CCDC40: variants seen among roughly 807,000 people sequenced by gnomAD.
CCDC40 encodes coiled-coil domain 40 molecular ruler complex subunit, also known as coiled-coil domain-containing protein 40.
A neutral mutation model predicts 124.5 loss-of-function variants in CCDC40; 104 were observed. The observed-to-expected ratio is 0.84, with a 90% CI of 0.71 to 0.98. The LOEUF is 0.98. CCDC40 is among the 50% of genes least tolerant of loss of function. The probability of loss-of-function intolerance (pLI) is 0.00; values close to 1 mark genes in which losing one functional copy is unlikely to be tolerated. For missense variants in CCDC40, 1,463 were observed against 1,503.9 expected, an observed-to-expected ratio of 0.97 and a Z score of 0.45; for synonymous variants, 580 against 602.9, an observed-to-expected ratio of 0.96 and a Z score of 0.56.
chr17:80,088,329 G>A, intron 16 of CCDC40: 1 of 567,592 alleles, frequency 1.8e-6, no homozygotes, highest in Non-Finnish European at 3.2e-6. Flanking sequence ...TCAGCTCACT[G>A]CAACCTCTGC....
chr17:80,067,850 C>A, intron 10 of CCDC40: 1 of 1,402,028 alleles, frequency 7.1e-7, no homozygotes, highest in Non-Finnish European at 9.2e-7. Flanking sequence ...CTGTGCCAAT[C>A]CGATTGATGA....
chr17:80,087,895 G>C lies in CCDC40; in HGVS notation c.2620-116G>C, dbSNP rs1045430562. The C allele has an allele frequency of 2.0e-5, 26 of 1,285,980 alleles. No individual in the cohort carries two copies. Among genetic ancestry groups the C allele is most frequent in the Non-Finnish European group, 2.8e-5 (25 of 882,892 alleles). The allele number at this position is 1,285,980 out of a possible 1,614,324, so 79.7% of individuals were successfully genotyped here. The stretch of plus-strand genomic sequence containing the variant: ...CACACCCGTTCAAGATGCTTGTAGG[G>C]GTATTAGAAATCCAGCCTGCAGCCC... On this transcript the variant is annotated intron_variant, in intron 15 of 19. Transcript: ENST00000397545. The surrounding 1 kb of genome is among the most constrained non-coding windows in gnomAD (Gnocchi z 4.5).
intron 12 of CCDC40, among the ~76,000 whole-genome samples, chr17:80,082,787 CCT>C (rs1416087156): frequency 3.3e-5 from 5 of 152,220 alleles, no homozygotes; most frequent in South Asian, 2.1e-4. Flanking sequence ...CCGCCGAGCC[CCT>C]GTCTGGGCAG....
Position 80,066,351 on chromosome 17 carries a change from C to A in CCDC40, c.1562+745C>A. The A allele has an allele frequency of 1.0e-5, 6 of 574,920 alleles. No homozygotes were observed. The highest frequency in any genetic ancestry group is 4.4e-5 in the South Asian group (2 of 45,828). The allele number at this position is 574,920 out of a possible 1,614,324, so 35.6% of individuals were successfully genotyped here. ...CAGGCAGCCAGCAGCAGTCACACAACCAGGAGATGCTTTTCCTTTTGGGTG... is the reference window on the plus strand; with the variant it reads ...CAGGCAGCCAGCAGCAGTCACACAAACAGGAGATGCTTTTCCTTTTGGGTG... On this transcript the variant is annotated intron_variant, in intron 10 of 19. Transcript: ENST00000397545. This position sits in a 1 kb window ranked among gnomAD's most constrained non-coding sequence, Gnocchi z 4.4.
chr17:80,084,989 G>C lies in CCDC40; in HGVS notation c.2235+1G>C. The stretch of plus-strand genomic sequence containing the variant: ...GGAGCGGATGGTCTCCGAGCTGGGG[G>C]TGAGGTCCCAGGCAGGGAGACGTGG... On this transcript the variant is annotated splice_donor_variant, in intron 13 of 19. Transcript: ENST00000397545. LOFTEE classifies it high-confidence loss of function. 1 of 1,613,492 alleles carries C rather than the reference G, an allele frequency of 6.2e-7. No homozygotes were observed. The highest frequency in any genetic ancestry group is 8.5e-7 in the Non-Finnish European group (1 of 1,180,016).
chr17:80,096,632 C>T (rs753082518), intron 18 of CCDC40, among the ~76,000 whole-genome samples: 1 of 150,236 alleles, frequency 6.7e-6, no homozygotes, highest in Middle Eastern at 3.5e-3. Flanking sequence ...CCAGGCCCTG[C>T]GCCCCACACG....
rs533118118 is a variant in CCDC40 at position 80,093,281 on chromosome 17, G to A, written c.2833-1982G>A. Among the ~76,000 whole-genome samples, 60 of 152,168 alleles carry A rather than the reference G, an allele frequency of 3.9e-4. No individual in the cohort carries two copies. In the South Asian group the frequency reaches 8.5e-3, roughly 22 times the overall value. Reference sequence around the variant, plus strand: ...GCTGCAACTTCCACCTCCTGGGTTCGAGCAATTCTCCTGCCTCAGCCTCCT... The same window carrying A: ...GCTGCAACTTCCACCTCCTGGGTTCAAGCAATTCTCCTGCCTCAGCCTCCT... On this transcript the variant is annotated intron_variant, in intron 17 of 19. Transcript: ENST00000397545.
At chr17:80,064,660 A>C (rs1598508616) in intron 9 of CCDC40, among the ~76,000 whole-genome samples, 5 of 146,444 alleles carry the variant, frequency 3.4e-5, no homozygotes, top group East Asian at 2.1e-4. Flanking sequence ...TTCCTGAACC[A>C]CCCCCCTAGT....
In CCDC40 at chr17:80,048,998, C is replaced by T. The variant is rs1378540253; in HGVS notation, c.855+237C>T. On this transcript the variant is annotated intron_variant, in intron 5 of 19. Transcript: ENST00000397545. ...CCCCGGAACCACTGCCCCGTGGGGC[C>T]GGGTCATTCTGTGCTGTGCCTTGCA... Among the ~76,000 whole-genome samples, 9 of 152,092 alleles carry T rather than the reference C, an allele frequency of 5.9e-5. 1 individual carries two copies. The South Asian group carries it at 8.3e-4, about 14-fold the overall frequency.
At chr17:80,051,330 TTA>T (rs1261209220) in intron 7 of CCDC40, 1 of 979,396 alleles carries the variant, frequency 1.0e-6, no homozygotes, top group East Asian at 1.1e-4. Context: ...AAGTGGGCAC[TTA>T]TCAAGCACCT....
rs540269907 is a variant in CCDC40 at position 80,066,637 on chromosome 17, C to T, written c.1562+1031C>T. 1 of 163,446 alleles carries T rather than the reference C, an allele frequency of 6.1e-6. No homozygotes were observed. Among genetic ancestry groups the T allele is most frequent in the South Asian group, 1.6e-4 (1 of 6,084 alleles). 10.1% of individuals were successfully genotyped at this position (163,446 alleles called of 1,614,324 possible). A position where few individuals can be genotyped will look rare whatever the true frequency, so the allele number is the denominator to read the frequency against. On this transcript the variant is annotated intron_variant, in intron 10 of 19. Transcript: ENST00000397545. The surrounding 1 kb of genome is among the most constrained non-coding windows in gnomAD (Gnocchi z 4.4). The stretch of plus-strand genomic sequence containing the variant: ...CAGGCATGGTGTGGGCGCCTGTAAT[C>T]CCCGCTACTCGGGAGGGTGAGACAG...
At chr17:80,040,399 C>T in intron 3 of CCDC40, 129 bp downstream of exon 3, 5 of 995,620 alleles carry the variant, frequency 5.0e-6, no homozygotes, top group Non-Finnish European at 7.5e-6. Flanking sequence ...CTTAGCAAGG[C>T]TGGGTGCGGT....
chr17:80,089,631 C>A, intron 16 of CCDC40, 133 bp from the exon 17 acceptor site: 1 of 1,138,246 alleles, frequency 8.8e-7, no homozygotes, highest in South Asian at 1.3e-5. Flanking sequence ...CTTTGAGAGC[C>A]TCACGCTTTC....
intron 3 of CCDC40, among the ~76,000 whole-genome samples, chr17:80,043,927 A>G (rs962542827): frequency 2.0e-5 from 3 of 151,944 alleles, no homozygotes; most frequent in Non-Finnish European, 2.9e-5. Context: ...CCTGTCTCCC[A>G]CTTTTACTGC....
chr17:80,091,302 T>TACACACACACACAC (rs71163919), intron 17 of CCDC40, among the ~76,000 whole-genome samples: 1 of 139,536 alleles, frequency 7.2e-6, no homozygotes, highest in Non-Finnish European at 1.5e-5. Context: ...ACCAGTAGAC[T>TACACACACACACAC]ACACACACAC....
Position 80,086,722 on chromosome 17 carries a change from T to C in CCDC40, c.2449+506T>C, listed in dbSNP as rs868493202. 1 of 186,990 alleles carries C rather than the reference T, an allele frequency of 5.3e-6. No individual in the cohort carries two copies. Among genetic ancestry groups the C allele is most frequent in the Non-Finnish European group, 1.1e-5 (1 of 88,980 alleles). 11.6% of individuals were successfully genotyped at this position (186,990 alleles called of 1,614,324 possible). On this transcript the variant is annotated intron_variant, in intron 14 of 19. Coordinates refer to ENST00000397545, the MANE Select transcript of CCDC40 (RefSeq NM_017950.4). The surrounding 1 kb of genome is among the most constrained non-coding windows in gnomAD (Gnocchi z 5.5). ...CTTCCTGGACCACTCTCCACCCACA[T>C]GTCCACCTGCCGAGACATCCCGGGT...
rs1222493301 is a variant in CCDC40 at position 80,065,507 on chromosome 17, TC to T, written c.1464del (p.Ser489AlafsTer18). 4.3e-6 allele frequency: 7 copies of T among 1,612,836 alleles called. No individual in the cohort carries two copies. Among genetic ancestry groups the T allele is most frequent in the Non-Finnish European group, 5.9e-6 (7 of 1,179,906 alleles). On this transcript the variant is annotated frameshift_variant, in exon 10 of 20. Transcript: ENST00000397545. LOFTEE classifies it high-confidence loss of function. ...VSEACTEIDA[I>X]SVEKRRIMQQ... Reference sequence around the variant, plus strand: ...CAGGCCTGCACCGAGATCGACGCCATCAGCGTGGAGAAGAGGCGCATCATGC... The same window carrying T: ...CAGGCCTGCACCGAGATCGACGCCATAGCGTGGAGAAGAGGCGCATCATGC...
intron 1 of CCDC40, 151 bp downstream of exon 1, chr17:80,036,842 T>A (rs1381580408): frequency 1.4e-6 from 1 of 703,948 alleles, no homozygotes; most frequent in African/African-American, 1.9e-5. Flanking sequence ...GCCATTTTGC[T>A]GGCCTTTCCC....
At chr17:80,088,594 G>A (rs1458428093) in intron 16 of CCDC40, among the ~76,000 whole-genome samples, 1 of 152,192 alleles carries the variant, frequency 6.6e-6, no homozygotes. Flanking sequence ...CTCCTTTGGG[G>A]CCAGGAGTTC....
Sources: gnomAD v4.1 joint callset for allele counts (sites outside exome capture counted in the v4.1 genomes callset) on GRCh38, gnomAD v4.1.1 for gene constraint, Gnocchi (gnomAD v3.1) non-coding constraint, MANE v1.5 for transcripts, NCBI Gene and HGNC (gene_info 2026-07-23, HGNC 2026-07-21) for gene names.